Variants in NAP1L4 observed in about 807,000 individuals in gnomAD.
The protein encoded by NAP1L4 is nucleosome assembly protein 1 like 4, also known as nucleosome assembly protein 1-like 4.
NAP1L4 carries 15 observed loss-of-function variants against 58.2 expected under a neutral mutation model. The observed-to-expected ratio is 0.26, with a 90% CI of 0.17 to 0.40. The LOEUF is 0.40. Among genes scored for constraint, NAP1L4 ranks in the 10% least tolerant of loss-of-function variants. NAP1L4 has a pLI of 1.00. For missense variants in NAP1L4, 384 were observed against 451.1 expected, an observed-to-expected ratio of 0.85 and a Z score of 1.35; for synonymous variants, 171 against 155.6, an observed-to-expected ratio of 1.10 and a Z score of -0.74.
At position 2,949,283 on chromosome 11, in the gene NAP1L4, TGAAAG is replaced by T; in HGVS notation, c.1123-24_1123-20del. On this transcript the variant is annotated intron_variant, in intron 14 of 15. Transcript: ENST00000380542. The surrounding 1 kb of genome is among the most constrained non-coding windows in gnomAD (Gnocchi z 4.0). ...ATTACACCTAAATGGGGAAAAAAATTGAAAGGAACTGTCAGCATGAAAGAAAATGA... is the reference window on the plus strand; with the variant it reads ...ATTACACCTAAATGGGGAAAAAAATTGAACTGTCAGCATGAAAGAAAATGA... The T allele has an allele frequency of 6.3e-7, 1 of 1,579,304 alleles. No homozygotes were observed. Among genetic ancestry groups the T allele is most frequent in the Non-Finnish European group, 8.7e-7 (1 of 1,148,500 alleles).
At chr11:2,991,323 G>A (rs1050335510) in intron 1 of NAP1L4, 2 of 312,464 alleles carry the variant, frequency 6.4e-6, no homozygotes, top group African/African-American at 4.3e-5. Context: ...GCATTCAGAA[G>A]GGGAAAATTG....
At chr11:2,967,649 CAAAAT>C (rs1035214628) in intron 7 of NAP1L4, among the ~76,000 whole-genome samples, 7 of 146,846 alleles carry the variant, frequency 4.8e-5, no homozygotes, top group Admixed American at 1.3e-4. Context: ...AAAAAAAAAT[CAAAAT>C]AGAATATGCT....
intron 1 of NAP1L4, among the ~76,000 whole-genome samples, chr11:2,980,921 T>C (rs1848262827): frequency 1.5e-5 from 2 of 133,338 alleles, no homozygotes; most frequent in African/African-American, 6.6e-5. Flanking sequence ...ATGAAGAAGA[T>C]GAAAACCAAA....
rs554843728 is a variant in NAP1L4, at chr11:2,986,580, T to A, written c.-18+5674A>T. Among the ~76,000 whole-genome samples, 6 of 152,172 alleles carry A rather than the reference T, an allele frequency of 3.9e-5. No individual in the cohort carries two copies. In the East Asian group the frequency reaches 9.6e-4, roughly 24 times the overall value. ...ATGTTTTCACAAGACTCCTTATAAT[T>A]TCCTTACAAATCCTATATATCCTAC... On this transcript the variant is annotated intron_variant, in intron 1 of 15. Coordinates refer to ENST00000380542, the MANE Select transcript of NAP1L4 (RefSeq NM_005969.4).
At chr11:2,981,409 A>C in intron 1 of NAP1L4, among the ~76,000 whole-genome samples, 1 of 102,744 alleles carries the variant, frequency 9.7e-6, no homozygotes, top group Admixed American at 1.3e-4. Context: ...CAGAGCAAGT[A>C]CCCTGTCTCA....
In NAP1L4 at chr11:2,948,695, T is replaced by C. The variant is rs1352440643; in HGVS notation, c.*32+532A>G. Reference sequence around the variant, plus strand: ...TGACACCAAAACAGATGCCAGTTCATGTTTCAGATAAAAAATGCTGGCACA... The same window carrying C: ...TGACACCAAAACAGATGCCAGTTCACGTTTCAGATAAAAAATGCTGGCACA... On this transcript the variant is annotated intron_variant, in intron 15 of 15. Transcript: ENST00000380542. The surrounding 1 kb of genome is among the most constrained non-coding windows in gnomAD (Gnocchi z 5.1). Among the ~76,000 whole-genome samples, 2 of 152,250 alleles carry C rather than the reference T, an allele frequency of 1.3e-5. No individual in the cohort carries two copies. Among genetic ancestry groups the C allele is most frequent in the Non-Finnish European group, 2.9e-5 (2 of 68,038 alleles).
In NAP1L4 at chr11:2,971,969, C is replaced by G; in HGVS notation, c.315+133G>C. On this transcript the variant is annotated intron_variant, in intron 5 of 15. Coordinates refer to ENST00000380542, the MANE Select transcript of NAP1L4 (RefSeq NM_005969.4). This position sits in a 1 kb window ranked among gnomAD's most constrained non-coding sequence, Gnocchi z 4.2. ...GCGTTCTGAGCTTGTTTAAGGTAGTCTAGACTAAGCTATGTTTGGCAGGTT... is the reference window on the plus strand; with the variant it reads ...GCGTTCTGAGCTTGTTTAAGGTAGTGTAGACTAAGCTATGTTTGGCAGGTT... 1.1e-6 allele frequency: 1 copy of G among 924,562 alleles called. No homozygotes were observed. Among genetic ancestry groups the G allele is most frequent in the South Asian group, 2.2e-5 (1 of 44,832 alleles). The allele number at this position is 924,562 out of a possible 1,614,324, so 57.3% of individuals were successfully genotyped here. A position where few individuals can be genotyped will look rare whatever the true frequency, so the allele number is the denominator to read the frequency against.
chr11:2,976,049 G>A lies in NAP1L4; in HGVS notation c.148C>T (p.His50Tyr). The change falls in exon 4 of 16, where the codon CAC becomes TAC. Residue 50 changes from histidine to tyrosine, a missense_variant. By Grantham distance (83) the His-to-Tyr change is moderately conservative. This residue lies in a region of NAP1L4 where 84 missense variants were observed against 73.7 expected (regional missense o/e 1.14). Transcript: ENST00000380542. ...GTTTCGATGTAGCTGGAAGGGGTGT[G>A]AGGGACATTGTCAAGTCGCTCCTGT... ...ALQERLDNVP[H>Y]TPSSYIETLP... is the part of the protein sequence containing the mutation. 1 of 1,614,024 alleles carries A rather than the reference G, an allele frequency of 6.2e-7. No homozygotes were observed. Among genetic ancestry groups the A allele is most frequent in the Non-Finnish European group, 8.5e-7 (1 of 1,179,962 alleles).
intron 4 of NAP1L4, among the ~76,000 whole-genome samples, chr11:2,972,849 T>C (rs550688446): frequency 3.3e-5 from 5 of 152,258 alleles, no homozygotes; most frequent in African/African-American, 7.2e-5. Context: ...TGTGCGCCTG[T>C]AGTCCCAGCT....
chr11:2,969,891 G>T lies in NAP1L4; in HGVS notation c.446C>A (p.Ala149Glu). The change falls in exon 7 of 16, where the codon GCA becomes GAA. Residue 149 changes from alanine (A) to glutamate (E), a missense_variant. Transcript: ENST00000380542. Reference protein sequence around the residue: ...SKVVVTEKAAATAEEPDPKGI... With the variant: ...SKVVVTEKAAETAEEPDPKGI... ...TTTGGGATCTGGCTCTTCAGCCGTT[G>T]CCGCTGCTTTTTCTGTGACGACTAC... 6.2e-7 allele frequency: 1 copy of T among 1,613,734 alleles called. No individual in the cohort carries two copies. The highest frequency in any genetic ancestry group is 8.5e-7 in the Non-Finnish European group (1 of 1,179,782).
chr11:2,983,420 T>C (rs914426418), intron 1 of NAP1L4, among the ~76,000 whole-genome samples: 1 of 152,126 alleles, frequency 6.6e-6, no homozygotes, highest in Non-Finnish European at 1.5e-5. Flanking sequence ...GGCAGGATCA[T>C]AGCTCACTGC....
chr11:2,978,927 T>C (rs1035426997), intron 2 of NAP1L4, among the ~76,000 whole-genome samples: 8 of 152,182 alleles, frequency 5.3e-5, no homozygotes, highest in Non-Finnish European at 1.0e-4. Flanking sequence ...TACAGACTGT[T>C]AGGAGAGTGT....
chr11:2,964,273 T>G (rs552280152), intron 8 of NAP1L4, among the ~76,000 whole-genome samples: 1 of 152,192 alleles, frequency 6.6e-6, no homozygotes, highest in Middle Eastern at 3.4e-3. Context: ...AATGGTATCA[T>G]CTCCACCCAA....
At chr11:2,970,722 T>C (rs751824069) in intron 6 of NAP1L4, among the ~76,000 whole-genome samples, 5 of 152,166 alleles carry the variant, frequency 3.3e-5, no homozygotes, top group Admixed American at 6.5e-5. Flanking sequence ...AAAGGCAGAT[T>C]TCCCTTGAGC....
rs1292355774 is a variant in NAP1L4 at position 2,959,515 on chromosome 11, G to GA, written c.746+254dup. 2.6e-5 allele frequency among the ~76,000 whole-genome samples: 4 copies of GA among 152,152 alleles called. No homozygotes were observed. Among genetic ancestry groups the GA allele is most frequent in the African/African-American group, 7.2e-5 (3 of 41,420 alleles). On this transcript the variant is annotated intron_variant, in intron 9 of 15. Coordinates refer to ENST00000380542, the MANE Select transcript of NAP1L4 (RefSeq NM_005969.4). This position sits in a 1 kb window ranked among gnomAD's most constrained non-coding sequence, Gnocchi z 4.9. ...AATCCACTACTTTCATTAAAATGAA[G>GA]AAACAGGGCACTATCCCAAAGGCTT...
chr11:2,946,942 A>G lies in NAP1L4; in HGVS notation c.*33-1296T>C, dbSNP rs1845970000. ...GGAGCAGTGAGGGGAGGAGTGGGACAAGCAGTGTGCCTCCACCAAGGGACT... is the reference window on the plus strand; with the variant it reads ...GGAGCAGTGAGGGGAGGAGTGGGACGAGCAGTGTGCCTCCACCAAGGGACT... On this transcript the variant is annotated intron_variant, in intron 15 of 15. Transcript: ENST00000380542. This position sits in a 1 kb window ranked among gnomAD's most constrained non-coding sequence, Gnocchi z 4.8. Among the ~76,000 whole-genome samples, 1 of 152,198 alleles carries G rather than the reference A, an allele frequency of 6.6e-6. No individual in the cohort carries two copies. The highest frequency in any genetic ancestry group is 2.4e-5 in the African/African-American group (1 of 41,450).
chr11:2,977,068 C>A (rs1016745550), intron 3 of NAP1L4, among the ~76,000 whole-genome samples: 1 of 152,234 alleles, frequency 6.6e-6, no homozygotes, highest in Non-Finnish European at 1.5e-5. Flanking sequence ...ACTGCAAACA[C>A]AACCACTAAC....
chr11:2,975,190 T>C (rs1847877405), intron 4 of NAP1L4, among the ~76,000 whole-genome samples: 1 of 150,752 alleles, frequency 6.6e-6, no homozygotes, highest in Non-Finnish European at 1.5e-5. Context: ...TGGTGGTGCA[T>C]GCCTATAGTT....
chr11:2,947,849 C>T (rs557344441), intron 15 of NAP1L4, among the ~76,000 whole-genome samples: 149 of 152,278 alleles, frequency 9.8e-4, no homozygotes, highest in African/African-American at 3.5e-3. Flanking sequence ...AAAGACATGC[C>T]GCTGAAACAC....
Sources: gnomAD v4.1 joint callset for allele counts (sites outside exome capture counted in the v4.1 genomes callset) on GRCh38, gnomAD v4.1.1 for gene constraint, gnomAD v4.1.1 regional missense constraint, Gnocchi (gnomAD v3.1) non-coding constraint, MANE v1.5 for transcripts, NCBI Gene and HGNC (gene_info 2026-07-23, HGNC 2026-07-21) for gene names.